The following TTC23L variants were observed in gnomAD, a reference collection of about 807,000 sequenced individuals.
The protein encoded by TTC23L is tetratricopeptide repeat protein 23-like.
TTC23L carries 42 observed loss-of-function variants against 48.1 expected under a neutral mutation model. The observed-to-expected ratio is 0.87, with a 90% CI of 0.68 to 1.13. TTC23L has a LOEUF of 1.13. Ranked by LOEUF, TTC23L falls within the 50% of genes most tolerant of loss-of-function variation. The pLI is 0.00. For synonymous variants in TTC23L, 159 were observed against 157.2 expected (o/e 1.01, Z -0.09); for missense variants, 391 against 421.0 (o/e 0.93, Z 0.62).
the TTC23L span, chr5:34,923,474 C>T: frequency 5.8e-5 from 27 of 466,456 alleles, no homozygotes; most frequent in East Asian, 8.7e-4. Flanking sequence ...GACGGGGTTT[C>T]GCCATGTTGG....
chr5:34,905,691 A>T, the TTC23L span: 4 of 152,284 alleles, frequency 2.6e-5, no homozygotes, highest in Admixed American at 1.3e-4. Context: ...ATAAGACTGT[A>T]TTCTTCTATA....
chr5:34,913,659 G>T, the TTC23L span: 2 of 815,332 alleles, frequency 2.5e-6, no homozygotes, highest in Non-Finnish European at 3.9e-6. Context: ...CACTTTATAC[G>T]TTTAAAAAAT....
intron 9 of TTC23L, among the ~76,000 whole-genome samples, chr5:34,881,810 C>G (rs1195855558): frequency 6.7e-6 from 1 of 148,698 alleles, no homozygotes; most frequent in Non-Finnish European, 1.5e-5. Flanking sequence ...GTTGCCCAGG[C>G]TGGAATGCAG....
chr5:34,889,769 C>T (rs1303382786), intron 9 of TTC23L, among the ~76,000 whole-genome samples: 1 of 152,096 alleles, frequency 6.6e-6, no homozygotes, highest in Non-Finnish European at 1.5e-5. Context: ...ATTTCCTTGG[C>T]ACTGTATTAT....
At chr5:34,924,226 C>A in the TTC23L span, among the ~76,000 whole-genome samples, 5 of 152,108 alleles carry the variant, frequency 3.3e-5, no homozygotes, top group African/African-American at 1.2e-4. Flanking sequence ...AAGAGAACAG[C>A]AAGAACAAAA....
intron 4 of TTC23L, among the ~76,000 whole-genome samples, chr5:34,857,991 C>A (rs1477531936): frequency 2.0e-5 from 3 of 151,796 alleles, no homozygotes; most frequent in Non-Finnish European, 4.4e-5. Context: ...AGCAGATTTT[C>A]TCTGGCCTGA....
chr5:34,862,582 G>A (rs1580446545), intron 4 of TTC23L, among the ~76,000 whole-genome samples: 1 of 152,120 alleles, frequency 6.6e-6, no homozygotes, highest in African/African-American at 2.4e-5. Context: ...TCTCTGTCTT[G>A]AGTTCCAAAC....
the TTC23L span, chr5:34,925,021 T>C: frequency 1.3e-6 from 2 of 1,575,856 alleles, no homozygotes; most frequent in Admixed American, 3.9e-5. Context: ...CCAGAACCCT[T>C]TGGCCAAAAT....
At chr5:34,862,031 A>G (rs1760704092) in intron 4 of TTC23L, among the ~76,000 whole-genome samples, 1 of 152,168 alleles carries the variant, frequency 6.6e-6, no homozygotes, top group Non-Finnish European at 1.5e-5. Flanking sequence ...CTGGTGCTAA[A>G]TCATTAGATA....
intron 3 of TTC23L, among the ~76,000 whole-genome samples, chr5:34,848,155 A>T (rs1346363634): frequency 6.6e-6 from 1 of 152,222 alleles, no homozygotes; most frequent in African/African-American, 2.4e-5. Flanking sequence ...CCAGGGCTGA[A>T]ACTTTAGGTT....
chr5:34,905,056 A>C, the TTC23L span, among the ~76,000 whole-genome samples: 1 of 152,220 alleles, frequency 6.6e-6, no homozygotes, highest in Non-Finnish European at 1.5e-5. Context: ...ACAGATACGA[A>C]AAGCACTTGA....
At chr5:34,879,337 T>G (rs929499198) in intron 8 of TTC23L, among the ~76,000 whole-genome samples, 2 of 152,184 alleles carry the variant, frequency 1.3e-5, no homozygotes, top group Non-Finnish European at 2.9e-5. Flanking sequence ...AAGAAAAGTA[T>G]GGTATTGGCA....
At chr5:34,839,992 A>G (rs895557856) in intron 1 of TTC23L, among the ~76,000 whole-genome samples, 4 of 152,182 alleles carry the variant, frequency 2.6e-5, no homozygotes, top group African/African-American at 9.7e-5. Context: ...CCCGGGTTCA[A>G]GCGATTCTCC....
exon 4 of TTC23L, chr5:34,850,254 T>C: frequency 6.2e-7 from 1 of 1,613,926 alleles, no homozygotes; most frequent in South Asian, 1.1e-5. Context: ...GGACCATCAC[T>C]GGAAATGTGC....
chr5:34,902,397 C>G, downstream of TTC23L: 1 of 392,418 alleles, frequency 2.5e-6, no homozygotes, highest in Non-Finnish European at 5.2e-6. Context: ...GACTGGGTGA[C>G]AAGAGCAAAA....
At chr5:34,839,401 C>T (rs1758397259) in intron 1 of TTC23L, 142 bp downstream of exon 1, 1 of 153,970 alleles carries the variant, frequency 6.5e-6, no homozygotes, top group Non-Finnish European at 1.4e-5. Context: ...TTAGAGCCTC[C>T]GCGGCAGAGA....
the TTC23L span, chr5:34,922,916 A>T: frequency 8.0e-7 from 1 of 1,247,522 alleles, no homozygotes; most frequent in Non-Finnish European, 1.2e-6. Context: ...TAATGAGGTT[A>T]TAGCCAAGTT....
downstream of TTC23L, among the ~76,000 whole-genome samples, chr5:34,900,529 T>TA (rs1446320571): frequency 2.0e-5 from 3 of 151,766 alleles, no homozygotes; most frequent in African/African-American, 7.3e-5. Flanking sequence ...AATAAGGAAA[T>TA]ACATTTACAT....
At chr5:34,892,281 T>C (rs969102867) in intron 9 of TTC23L, among the ~76,000 whole-genome samples, 1 of 152,214 alleles carries the variant, frequency 6.6e-6, no homozygotes, top group Non-Finnish European at 1.5e-5. Context: ...AATTCTTGGC[T>C]TTTGAAGCCT....
Sources: gnomAD v4.1 joint callset for allele counts (sites outside exome capture counted in the v4.1 genomes callset) on GRCh38, gnomAD v4.1.1 for gene constraint, MANE v1.5 for transcripts, NCBI Gene and HGNC (gene_info 2026-07-23, HGNC 2026-07-21) for gene names.